Variants in OR3A2 observed in about 807,000 individuals in gnomAD.
The protein encoded by OR3A2 is olfactory receptor 3A2.
For missense variants in OR3A2, 318 were observed against 392.8 expected, an observed-to-expected ratio of 0.81 and a Z score of 1.61; for synonymous variants, 126 against 159.3, an observed-to-expected ratio of 0.79 and a Z score of 1.57.
intron 2 of OR3A2, among the ~76,000 whole-genome samples, chr17:3,380,449 T>C (rs2049724790): frequency 6.6e-6 from 1 of 152,162 alleles, no homozygotes; most frequent in South Asian, 2.1e-4. Context: ...TTGGGTGGAA[T>C]GATATCTAGG....
intron 2 of OR3A2, among the ~76,000 whole-genome samples, chr17:3,364,917 A>G (rs1352773877): frequency 5.6e-4 from 16 of 28,384 alleles, no homozygotes; most frequent in Middle Eastern, 0.023. Context: ...GCACTAAGGT[A>G]AAAAAAAAAA....
In OR3A2 at chr17:3,316,200, A is replaced by G. The variant is rs947705705; in HGVS notation, c.-85+19833T>C. On this transcript the variant is annotated intron_variant, in intron 3 of 4. Coordinates refer to the OR3A2 transcript ENST00000573491. ...ATGAATGTATGATCTTTGCAGATAT[A>G]AGTCCATGGATTCCTGACACTAAAA... 2.9e-4 allele frequency among the ~76,000 whole-genome samples: 44 copies of G among 152,322 alleles called. No individual in the cohort carries two copies. In the Middle Eastern group the frequency reaches 0.014, roughly 47 times the overall value.
chr17:3,369,753 T>C (rs921331723), intron 2 of OR3A2, among the ~76,000 whole-genome samples: 2 of 152,050 alleles, frequency 1.3e-5, no homozygotes, highest in African/African-American at 4.8e-5. Flanking sequence ...CACAGAATGA[T>C]TTAGGGAAGA....
At chr17:3,377,830 C>G (rs1347107061) in intron 2 of OR3A2, among the ~76,000 whole-genome samples, 1 of 152,188 alleles carries the variant, frequency 6.6e-6, no homozygotes, top group African/African-American at 2.4e-5. Context: ...TTGGAACTCT[C>G]AAATATTCCA....
chr17:3,351,908 A>T (rs1021773716), intron 2 of OR3A2, among the ~76,000 whole-genome samples: 4 of 152,150 alleles, frequency 2.6e-5, no homozygotes, highest in African/African-American at 9.7e-5. Context: ...TCTTTGACAA[A>T]CCTGAGAAAA....
rs372719295 is a variant in OR3A2 at position 3,342,752 on chromosome 17, G to A, written c.-178-6626C>T. Among the ~76,000 whole-genome samples the A allele has an allele frequency of 7.9e-5, 12 of 152,334 alleles. No homozygotes were observed. In the East Asian group the frequency reaches 9.6e-4, roughly 12 times the overall value. On this transcript the variant is annotated intron_variant, in intron 2 of 4. Coordinates refer to the OR3A2 transcript ENST00000573491. ...CCTGGGGGTCAGGGACCCACTTGAC[G>A]AGGCAGTCTGTCCATTCTCAGAGCT... is the stretch of plus-strand genomic sequence containing the variant.
intron 2 of OR3A2, among the ~76,000 whole-genome samples, chr17:3,348,612 T>A (rs2150652120): frequency 6.6e-6 from 1 of 152,226 alleles, no homozygotes; most frequent in South Asian, 2.1e-4. Flanking sequence ...CTCTGCAGGA[T>A]ATTATCCAGG....
intron 3 of OR3A2, among the ~76,000 whole-genome samples, chr17:3,326,823 G>T (rs1314667015): frequency 7.1e-6 from 1 of 139,868 alleles, no homozygotes; most frequent in Non-Finnish European, 1.5e-5. Flanking sequence ...TTGTTCTTGC[G>T]ATAGTTTACT....
intron 2 of OR3A2, among the ~76,000 whole-genome samples, chr17:3,360,128 T>C (rs979155507): frequency 4.6e-5 from 7 of 151,874 alleles, no homozygotes; most frequent in African/African-American, 1.7e-4. Context: ...TGGTGTGACA[T>C]GATATCTCAT....
chr17:3,337,397 T>C (rs1465092594), intron 2 of OR3A2, among the ~76,000 whole-genome samples: 1 of 152,144 alleles, frequency 6.6e-6, no homozygotes, highest in Admixed American at 6.5e-5. Flanking sequence ...TTACATTAGG[T>C]ATATCTCCTA....
chr17:3,372,841 A>AGGAGGAGAGGGAGAGGGAGAG (rs2049642989), intron 2 of OR3A2, among the ~76,000 whole-genome samples: 3 of 98,524 alleles, frequency 3.0e-5, no homozygotes, highest in Admixed American at 1.2e-4. Flanking sequence ...AGGGAGGAGA[A>AGGAGGAGAGGGAGAGGGAGAG]GGAGAAGGAG....
At chr17:3,284,676 T>C (rs1034302720), upstream of OR3A2, 4 of 146,274 alleles carry the variant, frequency 2.7e-5, no homozygotes, top group African/African-American at 1.1e-4. Flanking sequence ...GCTTTGCCTC[T>C]AGCCCTGGCT....
At chr17:3,332,470 G>T (rs527763757) in intron 3 of OR3A2, among the ~76,000 whole-genome samples, 1 of 152,334 alleles carries the variant, frequency 6.6e-6, no homozygotes, top group East Asian at 1.9e-4. Context: ...TTTTCCAGGT[G>T]CGTCCGTCAC....
At chr17:3,365,906 G>A (rs1234654857) in intron 2 of OR3A2, among the ~76,000 whole-genome samples, 2 of 152,202 alleles carry the variant, frequency 1.3e-5, no homozygotes, top group Non-Finnish European at 2.9e-5. Flanking sequence ...TCAAAGGGAA[G>A]ACTGAAGAGC....
chr17:3,369,023 TTTGA>T (rs1276143854), intron 2 of OR3A2, among the ~76,000 whole-genome samples: 1 of 152,232 alleles, frequency 6.6e-6, no homozygotes, highest in Non-Finnish European at 1.5e-5. Flanking sequence ...GAGTTCTTGA[TTTGA>T]TTCTCAGCTT....
chr17:3,313,674 A>G (rs369577907), intron 3 of OR3A2, among the ~76,000 whole-genome samples: 4 of 152,284 alleles, frequency 2.6e-5, no homozygotes, highest in African/African-American at 2.4e-5. Context: ...CTTGGTTTGT[A>G]TTCAGTGTTC....
intron 3 of OR3A2, among the ~76,000 whole-genome samples, chr17:3,331,146 T>C (rs1170259800): frequency 6.6e-6 from 1 of 152,208 alleles, no homozygotes; most frequent in African/African-American, 2.4e-5. Flanking sequence ...GCCCTTAACA[T>C]TTTTTCCTTC....
At chr17:3,371,545 C>T (rs566324814) in intron 2 of OR3A2, among the ~76,000 whole-genome samples, 38 of 138,932 alleles carry the variant, frequency 2.7e-4, no homozygotes, top group Middle Eastern at 5.0e-3. Context: ...CCCTCCCGGA[C>T]GGGGCGGCTG....
At chr17:3,332,433 C>T (rs9911138) in intron 3 of OR3A2, among the ~76,000 whole-genome samples, 3,453 of 152,262 alleles carry the variant, frequency 0.023, 116 homozygotes, top group African/African-American at 0.077. Context: ...GTCCGAAAAG[C>T]GCAATATTCG....
Sources: gnomAD v4.1 joint callset for allele counts (sites outside exome capture counted in the v4.1 genomes callset) on GRCh38, gnomAD v4.1.1 for gene constraint, MANE v1.5 for transcripts, NCBI Gene and HGNC (gene_info 2026-07-23, HGNC 2026-07-21) for gene names.